ATP8A2: variants seen among roughly 807,000 people sequenced by gnomAD.
ATP8A2 encodes the protein phospholipid-transporting ATPase IB.
Under a neutral mutation model 165.6 loss-of-function variants are expected in ATP8A2, and 100 were observed. That is an observed-to-expected ratio of 0.60 (90% CI 0.51 to 0.71). The LOEUF (loss-of-function observed/expected upper bound fraction) is 0.71, where lower values mean the gene tolerates loss of function less well. Ranked by LOEUF, ATP8A2 falls within the 30% of genes least tolerant of loss-of-function variation. The pLI is 0.00. For synonymous variants in ATP8A2, 543 were observed against 548.8 expected (o/e 0.99, Z 0.15); for missense variants, 1,227 against 1,479.5 (o/e 0.83, Z 2.80).
At chr13:25,943,480 C>T (rs1955127583) in intron 33 of ATP8A2, among the ~76,000 whole-genome samples, 1 of 152,122 alleles carries the variant, frequency 6.6e-6, no homozygotes, top group Non-Finnish European at 1.5e-5. Context: ...CAGGAACATG[C>T]TGTACAGCTT....
intron 1 of ATP8A2, among the ~76,000 whole-genome samples, chr13:25,457,087 G>A (rs570282632): frequency 1.3e-5 from 2 of 152,164 alleles, no homozygotes; most frequent in African/African-American, 2.4e-5. Context: ...TGTGGGCCAC[G>A]AGTTGGACAA....
chr13:25,708,123 G>A (rs980286351), intron 25 of ATP8A2, among the ~76,000 whole-genome samples: 3 of 152,102 alleles, frequency 2.0e-5, no homozygotes, highest in Admixed American at 1.3e-4. Flanking sequence ...AAATGAAACA[G>A]GGTGATACGA....
At chr13:25,803,390 G>C (rs983951030) in intron 27 of ATP8A2, among the ~76,000 whole-genome samples, 1 of 152,106 alleles carries the variant, frequency 6.6e-6, no homozygotes, top group Non-Finnish European at 1.5e-5. Context: ...AGTGTTTGGG[G>C]AACAGTTAAA....
intron 24 of ATP8A2, among the ~76,000 whole-genome samples, chr13:25,666,233 C>A (rs1054520568): frequency 9.9e-5 from 15 of 151,460 alleles, no homozygotes; most frequent in Non-Finnish European, 2.2e-4. Flanking sequence ...TTTTTTGAGA[C>A]CTAGTCTTGC....
chr13:25,394,274 G>A lies in ATP8A2; in HGVS notation c.76+21986G>A, dbSNP rs557278006. Reference sequence around the variant, plus strand: ...AGGCTGAGAGTCTAGTGGAAGGAGAGCTCATTACTGGCTAGCAGTGATGCA... The same window carrying A: ...AGGCTGAGAGTCTAGTGGAAGGAGAACTCATTACTGGCTAGCAGTGATGCA... On this transcript the variant is annotated intron_variant, in intron 1 of 36. Transcript: ENST00000381655. Among the ~76,000 whole-genome samples, 445 of 152,356 alleles carry A rather than the reference G, an allele frequency of 2.9e-3. 7 individuals carry two copies. Among genetic ancestry groups the A allele is most frequent in the African/African-American group, 0.01 (419 of 41,578 alleles).
At chr13:25,576,426 TTGG>T (rs2039620131) in intron 19 of ATP8A2, among the ~76,000 whole-genome samples, 2 of 150,710 alleles carry the variant, frequency 1.3e-5, no homozygotes. Context: ...CATGGGAGGG[TTGG>T]TGGGAGATGA....
Position 25,543,917 on chromosome 13 carries a change from A to G in ATP8A2, c.891+515A>G, listed in dbSNP as rs190174275. Among the ~76,000 whole-genome samples the G allele has an allele frequency of 2.8e-3, 421 of 152,330 alleles. 4 individuals are homozygous for G. Among genetic ancestry groups the G allele is most frequent in the Non-Finnish European group, 4.7e-3 (321 of 68,030 alleles). ...TGAATTTATAGGTCACATTGCTATT[A>G]TGATGTATTTTGCCAGACACCTTTT... On this transcript the variant is annotated intron_variant, in intron 10 of 36. Coordinates refer to ENST00000381655, the MANE Select transcript of ATP8A2 (RefSeq NM_016529.6).
chr13:25,907,796 G>T (rs1953988116), intron 33 of ATP8A2, among the ~76,000 whole-genome samples: 1 of 152,100 alleles, frequency 6.6e-6, no homozygotes, highest in Non-Finnish European at 1.5e-5. Flanking sequence ...CCAAGGCTAG[G>T]CCCTTGTGCT....
At chr13:25,836,663 T>C (rs1951618677) in intron 28 of ATP8A2, among the ~76,000 whole-genome samples, 1 of 152,228 alleles carries the variant, frequency 6.6e-6, no homozygotes, top group African/African-American at 2.4e-5. Flanking sequence ...CTTTCTTCTG[T>C]TTGTAAATCT....
chr13:25,862,496 A>G (rs2138766639), intron 33 of ATP8A2, 88 bp downstream of exon 33: 1 of 1,014,664 alleles, frequency 9.9e-7, no homozygotes, highest in Non-Finnish European at 1.6e-6. Context: ...TGTGTGTCTT[A>G]CAGCCACGAT....
chr13:25,914,650 A>T (rs528491857), intron 33 of ATP8A2, among the ~76,000 whole-genome samples: 1 of 152,200 alleles, frequency 6.6e-6, no homozygotes, highest in African/African-American at 2.4e-5. Context: ...TACAGCAGTT[A>T]CTCCAAACCA....
chr13:25,865,163 G>A (rs2138779352), intron 33 of ATP8A2, among the ~76,000 whole-genome samples: 1 of 152,210 alleles, frequency 6.6e-6, no homozygotes, highest in Middle Eastern at 3.4e-3. Flanking sequence ...AAAAGGAATT[G>A]GCTCTTTTGG....
chr13:25,800,433 T>C (rs1950598182), intron 27 of ATP8A2, among the ~76,000 whole-genome samples: 1 of 152,204 alleles, frequency 6.6e-6, no homozygotes. Flanking sequence ...CCAGACATTA[T>C]TGCACAGTAT....
At chr13:26,005,091 G>A (rs9645864) in intron 35 of ATP8A2, among the ~76,000 whole-genome samples, 12,283 of 152,040 alleles carry the variant, frequency 0.081, 495 homozygotes, top group South Asian at 0.12. Context: ...GAATTCAGAA[G>A]AGCAGCCATC....
At chr13:25,909,656 C>T (rs1486681396) in intron 33 of ATP8A2, among the ~76,000 whole-genome samples, 5 of 152,096 alleles carry the variant, frequency 3.3e-5, no homozygotes, top group Non-Finnish European at 7.4e-5. Flanking sequence ...TAAAATAATA[C>T]ATTTTAACCA....
chr13:25,580,055 T>C (rs759315980), intron 22 of ATP8A2, 108 bp downstream of exon 22: 3 of 1,295,830 alleles, frequency 2.3e-6, no homozygotes, highest in Non-Finnish European at 3.2e-6. Context: ...TTCTCTTTTC[T>C]TGTGTCTTAA....
chr13:25,565,028 A>C lies in ATP8A2; in HGVS notation c.1473+997A>C, dbSNP rs181958110. Among the ~76,000 whole-genome samples, 104 of 152,314 alleles carry C rather than the reference A, an allele frequency of 6.8e-4. 1 individual carries two copies. The highest frequency in any genetic ancestry group is 2.4e-3 in the African/African-American group (101 of 41,572). On this transcript the variant is annotated intron_variant, in intron 16 of 36. Transcript: ENST00000381655. The stretch of plus-strand genomic sequence containing the variant: ...CTCCAATCTCATCCAGGTCACTGCA[A>C]ATGCTGTTAATTCATTCATTTTTAT...
intron 25 of ATP8A2, among the ~76,000 whole-genome samples, chr13:25,721,882 A>G (rs1458551206): frequency 4.6e-5 from 7 of 152,230 alleles, no homozygotes. Context: ...TTTATTGTCT[A>G]TGATAAATAA....
At chr13:25,895,069 A>G (rs2138918207) in intron 33 of ATP8A2, among the ~76,000 whole-genome samples, 1 of 152,254 alleles carries the variant, frequency 6.6e-6, no homozygotes, top group South Asian at 2.1e-4. Context: ...TTCCAACACT[A>G]TGTTGAATAG....
Sources: gnomAD v4.1 joint callset for allele counts (sites outside exome capture counted in the v4.1 genomes callset) on GRCh38, gnomAD v4.1.1 for gene constraint, MANE v1.5 for transcripts, NCBI Gene and HGNC (gene_info 2026-07-23, HGNC 2026-07-21) for gene names.